The following ABCA10 variants were observed in gnomAD, a reference collection of about 807,000 sequenced individuals.
ABCA10 encodes the protein ATP-binding cassette sub-family A member 10.
In ABCA10, 169 loss-of-function variants were observed where a neutral mutation model predicts 187.5. That is an observed-to-expected ratio of 0.90 (90% CI 0.80 to 1.02). ABCA10 has a LOEUF of 1.02. Among genes scored for constraint, ABCA10 ranks in the 50% least tolerant of loss-of-function variants. ABCA10 has a pLI of 0.00. For missense variants in ABCA10, 1,727 were observed against 1,812.4 expected, an observed-to-expected ratio of 0.95 and a Z score of 0.86; for synonymous variants, 574 against 601.8, an observed-to-expected ratio of 0.95 and a Z score of 0.68.
At position 69,148,631 on chromosome 17, in the gene ABCA10, A is replaced by C. The variant is rs2074105855; in HGVS notation, c.*196T>G. On this transcript the variant is annotated 3_prime_UTR_variant, in exon 39 of 39. Coordinates refer to ENST00000690296, the MANE Select transcript of ABCA10 (RefSeq NM_001377321.1). ...GATGAATAACATGTCTGATTTTGTT[A>C]ATTTTGTCTACTACTTTTCCCTATA... is the stretch of plus-strand genomic sequence containing the variant. 1 of 527,480 alleles carries C rather than the reference A, an allele frequency of 1.9e-6. No homozygotes were observed. 32.7% of individuals were successfully genotyped at this position (527,480 alleles called of 1,614,324 possible).
chr17:69,240,435 G>A lies in ABCA10; in HGVS notation c.-593+4094C>T, dbSNP rs116005391. Among the ~76,000 whole-genome samples, 467 of 152,278 alleles carry A rather than the reference G, an allele frequency of 3.1e-3. 4 individuals carry two copies. Among genetic ancestry groups the A allele is most frequent in the African/African-American group, 0.01 (434 of 41,562 alleles). On this transcript the variant is annotated intron_variant, in intron 1 of 39. Coordinates refer to the ABCA10 transcript ENST00000269081. ...AGAAATAAGTTCTTTATTTCTGAAG[G>A]GGAATATAGGCAGTTCATTTCAGCA...
At chr17:69,184,300 G>GACCC (rs1007211227) in intron 20 of ABCA10, among the ~76,000 whole-genome samples, 38 of 152,132 alleles carry the variant, frequency 2.5e-4, no homozygotes, top group African/African-American at 8.7e-4. Context: ...CTATGGCCCT[G>GACCC]ACCCACCACC....
chr17:69,232,638 T>C (rs1395788123), upstream of ABCA10, among the ~76,000 whole-genome samples: 1 of 152,180 alleles, frequency 6.6e-6, no homozygotes, highest in South Asian at 2.1e-4. Context: ...ATACTAACGA[T>C]ATAAGTGGTT....
chr17:69,221,789 T>TA lies in ABCA10; in HGVS notation c.303+2dup. 1.2e-6 allele frequency: 2 copies of TA among 1,604,616 alleles called. No homozygotes were observed. The highest frequency in any genetic ancestry group is 1.7e-6 in the Non-Finnish European group (2 of 1,175,066). On this transcript the variant is annotated splice_region_variant and intron_variant, in intron 5 of 38. Coordinates refer to ENST00000690296, the MANE Select transcript of ABCA10 (RefSeq NM_001377321.1). ...AAATATAGCTTTGAAGTTAGGCACT[T>TA]ACTTCTATAATTGCAGCATTAATTG...
intron 27 of ABCA10, among the ~76,000 whole-genome samples, chr17:69,160,620 C>A (rs12948396): frequency 0.54 from 81,527 of 151,300 alleles, 23,583 homozygotes; most frequent in Non-Finnish European, 0.66. Flanking sequence ...AACAAACAAA[C>A]AAAAAAACCA....
chr17:69,192,120 C>A (rs957640599), intron 16 of ABCA10, among the ~76,000 whole-genome samples: 4 of 152,048 alleles, frequency 2.6e-5, no homozygotes, highest in African/African-American at 9.7e-5. Flanking sequence ...GTCAGGAGAT[C>A]GAGGCCATCC....
Position 69,155,802 on chromosome 17 carries a change from C to T in ABCA10, c.3576+3G>A, listed in dbSNP as rs780245596. 1.9e-6 allele frequency: 3 copies of T among 1,613,398 alleles called. No homozygotes were observed. Among genetic ancestry groups the T allele is most frequent in the South Asian group, 1.1e-5 (1 of 90,992 alleles). ...TATTAAGGGTCTAATCCCTGCTGTT[C>T]ACCTCCTCCAAGTTTGGAGCAGTGA... is the stretch of plus-strand genomic sequence containing the variant. On this transcript the variant is annotated splice_donor_region_variant and intron_variant, in intron 29 of 38. Transcript: ENST00000690296.
In ABCA10 at chr17:69,164,096, G is replaced by T; in HGVS notation, c.3341C>A (p.Thr1114Asn). ...TACTATTAAGGTTGTTAAAAGAATG[G>T]TTTTATTGACTTCATTTATTCTATT... Reference protein sequence around the residue: ...LDNRINEVNKTILLTTLIPYL... With the variant: ...LDNRINEVNKNILLTTLIPYL... The change falls in exon 27 of 39, where the codon ACC (threonine) becomes AAC (asparagine). Residue 1114 changes from threonine to asparagine, a missense_variant. Transcript: ENST00000690296. 2 of 1,582,656 alleles carry T rather than the reference G, an allele frequency of 1.3e-6. No individual in the cohort carries two copies. The highest frequency in any genetic ancestry group is 1.7e-6 in the Non-Finnish European group (2 of 1,168,698).
intron 32 of ABCA10, 88 bp downstream of exon 32, chr17:69,153,743 T>C: frequency 6.7e-7 from 1 of 1,486,800 alleles, no homozygotes. Context: ...TTTAAAGACA[T>C]TGTTTATAAT....
chr17:69,231,933 T>A (rs550907559), upstream of ABCA10, among the ~76,000 whole-genome samples: 21 of 152,294 alleles, frequency 1.4e-4, no homozygotes, highest in Middle Eastern at 0.014. Flanking sequence ...GGTACTCTTA[T>A]GTTGAGTACA....
intron 24 of ABCA10, 88 bp downstream of exon 24, chr17:69,174,519 C>T: frequency 6.8e-7 from 1 of 1,464,564 alleles, no homozygotes; most frequent in Non-Finnish European, 9.2e-7. Flanking sequence ...TATTACATGC[C>T]TTTTGCTAAT....
At chr17:69,205,707 C>A (rs941854594) in intron 9 of ABCA10, among the ~76,000 whole-genome samples, 2 of 152,046 alleles carry the variant, frequency 1.3e-5, no homozygotes, top group Non-Finnish European at 2.9e-5. Context: ...ATAGATTATA[C>A]AAACAGGAAT....
At chr17:69,174,155 G>A in intron 25 of ABCA10, 126 bp downstream of exon 25, 1 of 590,820 alleles carries the variant, frequency 1.7e-6, no homozygotes, top group South Asian at 3.8e-5. Flanking sequence ...AATAATGAAA[G>A]TACAAAAGAA....
chr17:69,226,639 C>A (rs534474020), intron 2 of ABCA10, among the ~76,000 whole-genome samples: 1 of 152,094 alleles, frequency 6.6e-6, no homozygotes, highest in South Asian at 2.1e-4. Flanking sequence ...ACAAAAAGCA[C>A]GGCTTTGAAG....
At position 69,227,223 on chromosome 17, in the gene ABCA10, T is replaced by C. The variant is rs1395245570; in HGVS notation, c.-250A>G. On this transcript the variant is annotated 5_prime_UTR_variant, in exon 2 of 39. Transcript: ENST00000690296. ...GCCTGAATTTGTTGACGCACGCTTA[T>C]CTCTTTTTTAACCATTTTGTCCTGT... The C allele has an allele frequency of 1.3e-5, 2 of 151,210 alleles. No homozygotes were observed. Among genetic ancestry groups the C allele is most frequent in the African/African-American group, 4.8e-5 (2 of 41,246 alleles). The allele number at this position is 151,210 out of a possible 1,614,324, so 9.4% of individuals were successfully genotyped here. A position where few individuals can be genotyped will look rare whatever the true frequency, so the allele number is the denominator to read the frequency against.
chr17:69,193,041 A>G, intron 15 of ABCA10, 69 bp downstream of exon 15: 1 of 1,512,332 alleles, frequency 6.6e-7, no homozygotes, highest in Non-Finnish European at 8.8e-7. Context: ...TTTTGAAAAC[A>G]GGCTATGAAA....
intron 1 of ABCA10, chr17:69,234,791 C>A (rs546459519): frequency 2.0e-5 from 3 of 152,150 alleles, no homozygotes; most frequent in Non-Finnish European, 4.4e-5. Flanking sequence ...GAAACAATGG[C>A]GTTCACAGAG....
At chr17:69,175,137 G>T (rs555831899) in intron 23 of ABCA10, among the ~76,000 whole-genome samples, 2 of 152,106 alleles carry the variant, frequency 1.3e-5, no homozygotes, top group Non-Finnish European at 2.9e-5. Context: ...TGAAATAACT[G>T]CATGGATCAA....
chr17:69,213,639 G>A (rs1256490261), intron 9 of ABCA10, among the ~76,000 whole-genome samples: 1 of 152,162 alleles, frequency 6.6e-6, no homozygotes, highest in Non-Finnish European at 1.5e-5. Flanking sequence ...CTTGCCCCAG[G>A]CTATAAGCCT....
Sources: allele counts gnomAD v4.1 joint callset (sites outside exome capture counted in the v4.1 genomes callset), GRCh38; gene constraint gnomAD v4.1.1; transcripts MANE v1.5; gene names NCBI Gene and HGNC (gene_info 2026-07-23, HGNC 2026-07-21).